LDLRAD4: variants seen among roughly 807,000 people sequenced by gnomAD.
LDLRAD4 encodes low-density lipoprotein receptor class A domain-containing protein 4.
LDLRAD4 carries 5 observed loss-of-function variants against 17.0 expected under a neutral mutation model. The ratio of observed to expected loss-of-function variants is 0.29; its 90% confidence interval spans 0.15 to 0.62. The LOEUF (loss-of-function observed/expected upper bound fraction) is 0.62. Ranked by LOEUF, LDLRAD4 falls within the 20% of genes least tolerant of loss-of-function variation. LDLRAD4 has a pLI of 0.84. For synonymous variants in LDLRAD4, 168 were observed against 171.8 expected (o/e 0.98, Z 0.17); for missense variants, 340 against 424.7 (o/e 0.80, Z 1.75).
At chr18:13,391,557 C>T (rs2086274645) in intron 2 of LDLRAD4, among the ~76,000 whole-genome samples, 2 of 152,190 alleles carry the variant, frequency 1.3e-5, no homozygotes, top group Non-Finnish European at 1.5e-5. Flanking sequence ...TTAGTTTTCT[C>T]AGCATATGCA....
At chr18:13,309,647 A>C (rs2047116386) in intron 1 of LDLRAD4, among the ~76,000 whole-genome samples, 1 of 152,204 alleles carries the variant, frequency 6.6e-6, no homozygotes, top group African/African-American at 2.4e-5. Context: ...CTGTTTGCCT[A>C]GACCTTGATC....
chr18:13,229,181 T>C (rs9916937), intron 1 of LDLRAD4, among the ~76,000 whole-genome samples: 7,580 of 152,268 alleles, frequency 0.05, 355 homozygotes, highest in East Asian at 0.15. Context: ...GCATCATCCG[T>C]GGTGTCCTTG....
chr18:13,393,906 C>T (rs2086464463), intron 2 of LDLRAD4, among the ~76,000 whole-genome samples: 1 of 152,224 alleles, frequency 6.6e-6, no homozygotes, highest in Non-Finnish European at 1.5e-5. Context: ...TCATTTCCTG[C>T]AGAGTCTCTC....
intron 3 of LDLRAD4, among the ~76,000 whole-genome samples, chr18:13,509,244 G>T (rs1276830713): frequency 1.3e-5 from 2 of 152,194 alleles, no homozygotes; most frequent in Non-Finnish European, 2.9e-5. Flanking sequence ...TGCCTAGGAG[G>T]TCGAGACTGG....
chr18:13,228,105 T>C (rs563007042), intron 1 of LDLRAD4, among the ~76,000 whole-genome samples: 1 of 152,176 alleles, frequency 6.6e-6, no homozygotes. Context: ...AGCACCACAC[T>C]CTGTCCCAGG....
chr18:13,237,989 C>T (rs1324187198), intron 1 of LDLRAD4, among the ~76,000 whole-genome samples: 1 of 152,158 alleles, frequency 6.6e-6, no homozygotes, highest in East Asian at 1.9e-4. Flanking sequence ...AATGTGTCTG[C>T]CTCCTTGCGA....
At chr18:13,385,599 A>G (rs1476432249) in intron 1 of LDLRAD4, among the ~76,000 whole-genome samples, 1 of 152,236 alleles carries the variant, frequency 6.6e-6, no homozygotes, top group Non-Finnish European at 1.5e-5. Flanking sequence ...GAGAACAAAT[A>G]AAGTCTAGCA....
At chr18:13,603,521 T>C (rs1186711812) in intron 3 of LDLRAD4, among the ~76,000 whole-genome samples, 1 of 152,240 alleles carries the variant, frequency 6.6e-6, no homozygotes, top group South Asian at 2.1e-4. Flanking sequence ...TTACTTAACC[T>C]TTCTGTGCCT....
intron 1 of LDLRAD4, among the ~76,000 whole-genome samples, chr18:13,223,384 C>T (rs539932968): frequency 9.8e-5 from 15 of 152,330 alleles, no homozygotes; most frequent in East Asian, 7.7e-4. Context: ...AGATGTGCTT[C>T]GACTTCCTGC....
intron 3 of LDLRAD4, among the ~76,000 whole-genome samples, chr18:13,558,653 T>C (rs1038148656): frequency 1.3e-5 from 2 of 152,258 alleles, no homozygotes; most frequent in African/African-American, 4.8e-5. Context: ...CACGAGGACT[T>C]CATGTGTTTC....
chr18:13,221,453 T>C (rs866300065), intron 1 of LDLRAD4, among the ~76,000 whole-genome samples: 4 of 152,156 alleles, frequency 2.6e-5, no homozygotes, highest in African/African-American at 9.7e-5. Flanking sequence ...ATATTACGGG[T>C]GTACATGGAA....
intron 1 of LDLRAD4, among the ~76,000 whole-genome samples, chr18:13,310,158 A>G (rs1051192465): frequency 1.4e-5 from 2 of 146,500 alleles, no homozygotes; most frequent in Non-Finnish European, 3.0e-5. Flanking sequence ...CAGCCTGCGC[A>G]ACATAGTGAG....
At chr18:13,407,349 C>A (rs950989947) in intron 2 of LDLRAD4, among the ~76,000 whole-genome samples, 1 of 152,144 alleles carries the variant, frequency 6.6e-6, no homozygotes, top group Non-Finnish European at 1.5e-5. Flanking sequence ...GATTAATTGA[C>A]GGTGATGTGA....
chr18:13,630,877 C>T (rs998378163), intron 4 of LDLRAD4, among the ~76,000 whole-genome samples: 12 of 152,190 alleles, frequency 7.9e-5, no homozygotes, highest in Non-Finnish European at 1.8e-4. Flanking sequence ...TGGCTGTGAC[C>T]CACTTAAATG....
At chr18:13,446,025 A>G (rs1480307522) in intron 3 of LDLRAD4, among the ~76,000 whole-genome samples, 2 of 152,230 alleles carry the variant, frequency 1.3e-5, no homozygotes, top group African/African-American at 4.8e-5. Flanking sequence ...ACAGGCAATT[A>G]GAGTAATACC....
At chr18:13,291,202 T>G (rs1488864657) in intron 1 of LDLRAD4, among the ~76,000 whole-genome samples, 1 of 152,126 alleles carries the variant, frequency 6.6e-6, no homozygotes, top group East Asian at 1.9e-4. Context: ...TTTGCTGACG[T>G]CTTTACACCT....
chr18:13,554,927 C>T (rs2094469354), intron 3 of LDLRAD4, among the ~76,000 whole-genome samples: 2 of 152,150 alleles, frequency 1.3e-5, no homozygotes, highest in African/African-American at 4.8e-5. Flanking sequence ...CAGGTGATCA[C>T]GCCAACACTG....
intron 1 of LDLRAD4, chr18:13,280,137 G>T (rs1005454765): frequency 6.6e-6 from 1 of 152,216 alleles, no homozygotes; most frequent in African/African-American, 2.4e-5. Context: ...CCTGGTCCCC[G>T]TGTTTAGGTT....
intron 3 of LDLRAD4, among the ~76,000 whole-genome samples, chr18:13,572,030 C>G (rs1184923363): frequency 6.6e-6 from 1 of 152,018 alleles, no homozygotes; most frequent in Non-Finnish European, 1.5e-5. Flanking sequence ...TACAGTAAGT[C>G]CCCCCCTTAA....
Sources: allele counts gnomAD v4.1 joint callset (sites outside exome capture counted in the v4.1 genomes callset), GRCh38; gene constraint gnomAD v4.1.1; transcripts MANE v1.5; gene names NCBI Gene and HGNC (gene_info 2026-07-23, HGNC 2026-07-21).